The following ATXN1 variants were observed in gnomAD, a reference collection of about 807,000 sequenced individuals.
The protein encoded by ATXN1 is ataxin 1.
A neutral mutation model predicts 56.4 loss-of-function variants in ATXN1; 8 were observed. That is an observed-to-expected ratio of 0.14 (90% CI 0.08 to 0.26). ATXN1 has a LOEUF of 0.26. Ranked by LOEUF, ATXN1 falls within the 10% of genes least tolerant of loss-of-function variation. The probability of loss-of-function intolerance (pLI) is 1.00; values close to 1 mark genes in which losing one functional copy is unlikely to be tolerated. For missense variants in ATXN1, 987 were observed against 1,106.5 expected, an observed-to-expected ratio of 0.89 and a Z score of 1.53; for synonymous variants, 514 against 494.6, an observed-to-expected ratio of 1.04 and a Z score of -0.52.
At chr6:16,358,234 C>T (rs1269439759) in intron 6 of ATXN1, among the ~76,000 whole-genome samples, 1 of 152,200 alleles carries the variant, frequency 6.6e-6, no homozygotes, top group Non-Finnish European at 1.5e-5. Context: ...AATACAACCA[C>T]TATGGAAAAC....
chr6:16,328,196 G>C lies in ATXN1; in HGVS notation c.115C>G (p.Arg39Gly). ...KAPTLPSDNH[R>G]VEGTAWLPGN... ...GGGAGCCATGCTGTGCCCTCCACCCGGTGGTTGTCGCTGGGCAGGGTAGGG... is the reference window on the plus strand; with the variant it reads ...GGGAGCCATGCTGTGCCCTCCACCCCGTGGTTGTCGCTGGGCAGGGTAGGG... The change falls in exon 7 of 8, where the codon CGG becomes GGG. Residue 39 changes from arginine to glycine, a missense_variant. By Grantham distance (125) the Arg-to-Gly change is moderately radical (BLOSUM62 -2). Around this residue, in one of 3 missense-constraint regions of ATXN1, gnomAD observed 723 missense variants for 791.7 expected, o/e 0.91. Coordinates refer to ENST00000436367, the MANE Select transcript of ATXN1 (RefSeq NM_001128164.2). This position sits in a 1 kb window ranked among gnomAD's most constrained non-coding sequence, Gnocchi z 6.2. 2 of 1,597,726 alleles carry C rather than the reference G, an allele frequency of 1.3e-6. No individual in the cohort carries two copies. Among genetic ancestry groups the C allele is most frequent in the Non-Finnish European group, 1.7e-6 (2 of 1,169,624 alleles).
In ATXN1 at chr6:16,565,292, C is replaced by T. The variant is rs574912645; in HGVS notation, c.-361+20488G>A. On this transcript the variant is annotated intron_variant, in intron 4 of 7. Transcript: ENST00000436367. ...GACAGGGTCCCTGTAAGCAATTGTC[C>T]TCCAAACCAATCCACCTAATAGGCC... is the stretch of plus-strand genomic sequence containing the variant. 1.6e-4 allele frequency among the ~76,000 whole-genome samples: 25 copies of T among 152,266 alleles called. 1 individual carries two copies. Among genetic ancestry groups the T allele is most frequent in the Admixed American group, 8.5e-4 (13 of 15,296 alleles).
chr6:16,633,872 C>T (rs1763548273), intron 3 of ATXN1, among the ~76,000 whole-genome samples: 1 of 152,194 alleles, frequency 6.6e-6, no homozygotes, highest in Non-Finnish European at 1.5e-5. Flanking sequence ...ATTTGCTTTG[C>T]AGACTAACAC....
In ATXN1 at chr6:16,603,861, G is replaced by A. The variant is rs376940448; in HGVS notation, c.-488-17954C>T. ...ATGAGGACAGTGGCAGAAGATTGAC[G>A]AAGGCATTGTGCAGCACCCCATGCA... is the stretch of plus-strand genomic sequence containing the variant. On this transcript the variant is annotated intron_variant, in intron 3 of 7. Coordinates refer to ENST00000436367, the MANE Select transcript of ATXN1 (RefSeq NM_001128164.2). Among the ~76,000 whole-genome samples, 36 of 152,182 alleles carry A rather than the reference G, an allele frequency of 2.4e-4. No individual in the cohort carries two copies. In the South Asian group the frequency reaches 6.0e-3, roughly 25 times the overall value.
Position 16,551,207 on chromosome 6 carries a change from G to A in ATXN1, c.-360-28519C>T, listed in dbSNP as rs147550139. Among the ~76,000 whole-genome samples, 167 of 152,302 alleles carry A rather than the reference G, an allele frequency of 1.1e-3. 1 individual carries two copies. The highest frequency in any genetic ancestry group is 3.8e-3 in the African/African-American group (159 of 41,556). ...ATGGGTTTGCAGAACGGATCCCAGC[G>A]CTGTGAAGGAGGCCAGTCTAGACGG... On this transcript the variant is annotated intron_variant, in intron 4 of 7. Transcript: ENST00000436367.
At chr6:16,535,720 A>G (rs1436491998) in intron 4 of ATXN1, among the ~76,000 whole-genome samples, 2 of 152,208 alleles carry the variant, frequency 1.3e-5, no homozygotes, top group Non-Finnish European at 2.9e-5. Context: ...TCCAACGAGT[A>G]GTACAGTATG....
At chr6:16,697,731 C>G (rs1171920093) in intron 2 of ATXN1, among the ~76,000 whole-genome samples, 2 of 151,960 alleles carry the variant, frequency 1.3e-5, no homozygotes, top group African/African-American at 4.8e-5. Context: ...AGGAACCAAA[C>G]ATTTCTTCCT....
intron 3 of ATXN1, among the ~76,000 whole-genome samples, chr6:16,629,034 C>A (rs1322548238): frequency 6.6e-6 from 1 of 152,156 alleles, no homozygotes; most frequent in South Asian, 2.1e-4. Flanking sequence ...TAGCTCTTTG[C>A]AGAATTGCCA....
chr6:16,738,935 G>C (rs1760232925), intron 2 of ATXN1: 1 of 152,134 alleles, frequency 6.6e-6, no homozygotes, highest in South Asian at 2.1e-4. Context: ...CCAATACACA[G>C]CAGATTTATA....
chr6:16,646,678 G>C (rs565466717), intron 3 of ATXN1, among the ~76,000 whole-genome samples: 2 of 152,330 alleles, frequency 1.3e-5, no homozygotes, highest in South Asian at 4.1e-4. Flanking sequence ...AGCTCTGTCA[G>C]GTGGAATCCT....
At chr6:16,445,616 G>A (rs1017908635) in intron 6 of ATXN1, among the ~76,000 whole-genome samples, 3 of 151,350 alleles carry the variant, frequency 2.0e-5, no homozygotes, top group Admixed American at 2.0e-4. Flanking sequence ...CTGGTGTGCT[G>A]CACCCATTAC....
intron 6 of ATXN1, among the ~76,000 whole-genome samples, chr6:16,481,269 T>C (rs1383875585): frequency 4.6e-5 from 7 of 152,154 alleles, no homozygotes; most frequent in African/African-American, 1.4e-4. Context: ...GACCCTCTTA[T>C]CTACTTCAGA....
At chr6:16,316,738 C>G (rs1760517488) in intron 7 of ATXN1, among the ~76,000 whole-genome samples, 1 of 151,546 alleles carries the variant, frequency 6.6e-6, no homozygotes, top group Admixed American at 6.6e-5. Flanking sequence ...CAGTGCAAGA[C>G]TCCGTCTTAA....
intron 4 of ATXN1, among the ~76,000 whole-genome samples, chr6:16,537,005 C>T (rs1761613379): frequency 6.6e-6 from 1 of 151,534 alleles, no homozygotes; most frequent in South Asian, 2.1e-4. Flanking sequence ...ACTCATTCTA[C>T]CTTCAACTCT....
At chr6:16,577,725 T>G (rs1311245285) in intron 4 of ATXN1, among the ~76,000 whole-genome samples, 1 of 152,212 alleles carries the variant, frequency 6.6e-6, no homozygotes, top group Non-Finnish European at 1.5e-5. Context: ...GCCTCTGATA[T>G]GACTGCTTCT....
intron 4 of ATXN1, among the ~76,000 whole-genome samples, chr6:16,544,508 C>G (rs1030258900): frequency 4.2e-4 from 64 of 152,200 alleles, no homozygotes; most frequent in African/African-American, 1.5e-3. Flanking sequence ...CTAATGACAG[C>G]TAGAGGATTT....
At chr6:16,400,286 T>G (rs1280786178) in intron 6 of ATXN1, among the ~76,000 whole-genome samples, 1 of 152,208 alleles carries the variant, frequency 6.6e-6, no homozygotes, top group Non-Finnish European at 1.5e-5. Flanking sequence ...ACCCAGACTG[T>G]AACCTTGGCT....
chr6:16,652,564 T>C (rs1370653937), intron 3 of ATXN1, among the ~76,000 whole-genome samples: 2 of 152,166 alleles, frequency 1.3e-5, no homozygotes, highest in Admixed American at 6.5e-5. Context: ...TTTTTAAAAA[T>C]CTCGCCCCTC....
At chr6:16,350,805 G>T (rs1214790838) in intron 6 of ATXN1, among the ~76,000 whole-genome samples, 1 of 152,172 alleles carries the variant, frequency 6.6e-6, no homozygotes, top group African/African-American at 2.4e-5. Context: ...GGAATTGGCT[G>T]GGTGTGGTGG....
Sources: allele counts gnomAD v4.1 joint callset (sites outside exome capture counted in the v4.1 genomes callset), GRCh38; gene constraint gnomAD v4.1.1; regional missense constraint gnomAD v4.1.1; non-coding constraint Gnocchi (gnomAD v3.1); transcripts MANE v1.5; gene names NCBI Gene and HGNC (gene_info 2026-07-23, HGNC 2026-07-21).